The following RPN1 variants were observed in gnomAD, a reference collection of about 807,000 sequenced individuals.
RPN1 encodes dolichyl-diphosphooligosaccharide--protein glycosyltransferase subunit 1.
In RPN1, 12 loss-of-function variants were observed where a neutral mutation model predicts 55.5. That is an observed-to-expected ratio of 0.22 (90% confidence interval 0.14 to 0.35). RPN1 has a LOEUF of 0.35. Among genes scored for constraint, RPN1 ranks in the 10% least tolerant of loss-of-function variants. The pLI is 1.00. For synonymous variants in RPN1, 317 were observed against 305.9 expected, an observed-to-expected ratio of 1.04 and a Z score of -0.38; for missense variants, 679 against 761.3, an observed-to-expected ratio of 0.89 and a Z score of 1.27.
Position 128,630,084 on chromosome 3 carries a change from A to G in RPN1, c.903T>C (p.Ser301=), listed in dbSNP as rs2069630626. 1 of 1,613,474 alleles carries G rather than the reference A, an allele frequency of 6.2e-7. No homozygotes were observed. The highest frequency in any genetic ancestry group is 1.7e-5 in the Admixed American group (1 of 59,976). Reference sequence around the variant, plus strand: ...CATCCAAAATAAGGAGGTGGCTGGTAGAAACATTGCCAATCTCATCCCGGT... The same window carrying G: ...CATCCAAAATAAGGAGGTGGCTGGTGGAAACATTGCCAATCTCATCCCGGT... ...VYYRDEIGNV[S]TSHLLILDDS... The change falls in exon 5 of 10, where the codon TCT becomes TCC. Residue 301 remains serine, a synonymous_variant. Coordinates refer to ENST00000296255, the MANE Select transcript of RPN1 (RefSeq NM_002950.4).
At position 128,631,970 on chromosome 3, in the gene RPN1, A is replaced by G; in HGVS notation, c.821T>C (p.Ile274Thr). 1 of 1,614,202 alleles carries G rather than the reference A, an allele frequency of 6.2e-7. No homozygotes were observed. Among genetic ancestry groups the G allele is most frequent in the Admixed American group, 1.7e-5 (1 of 60,012 alleles). Reference sequence around the variant, plus strand: ...TACCTTAAAAGAACGGATGGAGGATATTCCACTATCTGGCTGTCTCTGGTA... The same window carrying G: ...TACCTTAAAAGAACGGATGGAGGATGTTCCACTATCTGGCTGTCTCTGGTA... ...YDYQRQPDSG[I>T]SSIRSFKTIL... Residue 274 changes from isoleucine to threonine, a missense_variant, in exon 4 of 10, where the codon ATA becomes ACA. Transcript: ENST00000296255.
Position 128,625,555 on chromosome 3 carries a change from C to A in RPN1, c.1374G>T (p.Arg458=), listed in dbSNP as rs1490773679. 1 of 1,613,978 alleles carries A rather than the reference C, an allele frequency of 6.2e-7. No individual in the cohort carries two copies. The highest frequency in any genetic ancestry group is 8.5e-7 in the Non-Finnish European group (1 of 1,180,008). ...GTACCTTGGTGATGGAGAAGTCCAGCCGAACATAGATGATAACGGTGAAGA... is the reference window on the plus strand; with the variant it reads ...GTACCTTGGTGATGGAGAAGTCCAGACGAACATAGATGATAACGGTGAAGA... ...ILFFTVIIYV[R]LDFSITKDPA... Residue 458 remains arginine (R), a synonymous_variant, in exon 8 of 10, where the codon CGG becomes CGT. Coordinates refer to ENST00000296255, the MANE Select transcript of RPN1 (RefSeq NM_002950.4).
rs751153290 is a variant in RPN1, at chr3:128,625,918, C to T, written c.1231G>A (p.Ala411Thr). The T allele has an allele frequency of 6.2e-7, 1 of 1,613,760 alleles. No individual in the cohort carries two copies. The highest frequency in any genetic ancestry group is 8.5e-7 in the Non-Finnish European group (1 of 1,179,864). ...LDTFGRPVIV[A>T]YKKNLVEQHI... is the part of the protein sequence containing the mutation. ...TGTTCTACCAGATTTTTCTTGTAGG[C>T]AACAATCACAGGGCGGCCAAATGTG... Residue 411 changes from alanine (A) to threonine (T), a missense_variant, in exon 7 of 10, where the codon GCC (alanine) becomes ACC (threonine). Physicochemically the swap from Ala to Thr is moderately conservative, Grantham distance 58 (BLOSUM62 0). This residue lies in a region of RPN1 where 306 missense variants were observed against 360.0 expected (regional missense o/e 0.85). Transcript: ENST00000296255.
At chr3:128,650,408 C>T in intron 1 of RPN1, 132 bp downstream of exon 1, 2 of 943,816 alleles carry the variant, frequency 2.1e-6, no homozygotes, top group Non-Finnish European at 3.0e-6. Context: ...CCACGGACCC[C>T]CTGTGCCCCG....
At chr3:128,643,235 G>A (rs923498336) in intron 2 of RPN1, among the ~76,000 whole-genome samples, 3 of 150,832 alleles carry the variant, frequency 2.0e-5, no homozygotes, top group Admixed American at 1.3e-4. Flanking sequence ...CCTGAGGCAG[G>A]AGAATCGCTT....
At chr3:128,621,759 G>C (rs879613254) in intron 9 of RPN1, among the ~76,000 whole-genome samples, 3 of 152,222 alleles carry the variant, frequency 2.0e-5, no homozygotes, top group Admixed American at 1.3e-4. Context: ...GGAAACTGAG[G>C]CACAGAAGTT....
At chr3:128,626,616 T>TA in intron 6 of RPN1, 117 bp downstream of exon 6, 1 of 844,486 alleles carries the variant, frequency 1.2e-6, no homozygotes, top group Non-Finnish European at 1.9e-6. Flanking sequence ...CCTGATAAAG[T>TA]AAATCTAGAG....
intron 1 of RPN1, among the ~76,000 whole-genome samples, chr3:128,648,813 C>A (rs2069788976): frequency 6.6e-6 from 1 of 152,286 alleles, no homozygotes; most frequent in Non-Finnish European, 1.5e-5. Context: ...TATCTCACAG[C>A]CATAAAAGCC....
At chr3:128,635,702 C>T (rs1246509909) in intron 3 of RPN1, among the ~76,000 whole-genome samples, 2 of 147,286 alleles carry the variant, frequency 1.4e-5, no homozygotes, top group African/African-American at 2.5e-5. Context: ...CACACACACA[C>T]ACACACACAC....
intron 6 of RPN1, 66 bp downstream of exon 6, chr3:128,626,667 C>G: frequency 7.1e-7 from 1 of 1,400,110 alleles, no homozygotes; most frequent in Non-Finnish European, 1.0e-6. Context: ...CATAGGCTCT[C>G]CTTAGGGTAC....
intron 2 of RPN1, among the ~76,000 whole-genome samples, chr3:128,638,895 G>A (rs1466954714): frequency 6.6e-6 from 1 of 152,076 alleles, no homozygotes; most frequent in East Asian, 1.9e-4. Context: ...GAACCCGGGA[G>A]GCGGAGGTTG....
At chr3:128,631,606 G>T (rs571451724) in intron 4 of RPN1, among the ~76,000 whole-genome samples, 1 of 152,278 alleles carries the variant, frequency 6.6e-6, no homozygotes, top group East Asian at 1.9e-4. Context: ...GCCAGGTGTA[G>T]TGGTGCATGC....
At chr3:128,635,763 CGTGT>C (rs1200479787) in intron 3 of RPN1, among the ~76,000 whole-genome samples, 1 of 147,686 alleles carries the variant, frequency 6.8e-6, no homozygotes, top group Non-Finnish European at 1.5e-5. Flanking sequence ...TATATATATA[CGTGT>C]GTGTATATAT....
chr3:128,644,886 A>C (rs766233931), intron 2 of RPN1, 33 bp downstream of exon 2: 12 of 1,210,524 alleles, frequency 9.9e-6, no homozygotes, highest in Non-Finnish European at 1.5e-5. Flanking sequence ...ATAACCTTTA[A>C]CAAGAGACAA....
intron 3 of RPN1, among the ~76,000 whole-genome samples, chr3:128,634,563 C>A (rs914499500): frequency 7.4e-6 from 1 of 135,646 alleles, no homozygotes. Flanking sequence ...CTCCATAAAC[C>A]TTTTTTTTTT....
At chr3:128,646,101 G>A (rs887657000) in intron 1 of RPN1, among the ~76,000 whole-genome samples, 6 of 151,378 alleles carry the variant, frequency 4.0e-5, no homozygotes, top group African/African-American at 1.5e-4. Context: ...AAAATTAGCC[G>A]GGTGTGGTGG....
chr3:128,631,498 AAG>A (rs1260647509), intron 4 of RPN1, among the ~76,000 whole-genome samples: 3 of 151,492 alleles, frequency 2.0e-5, no homozygotes, highest in Non-Finnish European at 4.4e-5. Flanking sequence ...AAAAAAAAGA[AAG>A]AGAAGCCAAG....
Position 128,637,965 on chromosome 3 carries a change from A to T in RPN1, c.467T>A (p.Phe156Tyr), listed in dbSNP as rs774368360. ...ITQSEKQFVV[F>Y]EGNHYFYSPY... is the part of the protein sequence containing the mutation. Reference sequence around the variant, plus strand: ...AGAGTAGAAATAATGGTTCCCCTCAAACACCACAAACTGTTTCTCTGACTG... The same window carrying T: ...AGAGTAGAAATAATGGTTCCCCTCATACACCACAAACTGTTTCTCTGACTG... Residue 156 changes from phenylalanine to tyrosine, a missense_variant, in exon 3 of 10, where the codon TTT (phenylalanine) becomes TAT (tyrosine). This residue lies in a region of RPN1 where 352 missense variants were observed against 352.8 expected (regional missense o/e 1.00). Coordinates refer to ENST00000296255, the MANE Select transcript of RPN1 (RefSeq NM_002950.4). 1 of 1,614,196 alleles carries T rather than the reference A, an allele frequency of 6.2e-7. No homozygotes were observed. Among genetic ancestry groups the T allele is most frequent in the South Asian group, 1.1e-5 (1 of 91,088 alleles).
At chr3:128,647,472 C>T (rs2069776874) in intron 1 of RPN1, among the ~76,000 whole-genome samples, 1 of 151,886 alleles carries the variant, frequency 6.6e-6, no homozygotes, top group Non-Finnish European at 1.5e-5. Context: ...CTGCTTGAGG[C>T]TAGGTGTTGA....
Sources: gnomAD v4.1 joint callset for allele counts (sites outside exome capture counted in the v4.1 genomes callset) on GRCh38, gnomAD v4.1.1 for gene constraint, gnomAD v4.1.1 regional missense constraint, MANE v1.5 for transcripts, NCBI Gene and HGNC (gene_info 2026-07-23, HGNC 2026-07-21) for gene names.